Variants in NAPB observed in about 807,000 individuals in gnomAD.
NAPB encodes the protein NSF attachment protein beta.
A neutral mutation model predicts 44.7 loss-of-function variants in NAPB; 26 were observed. The ratio of observed to expected loss-of-function variants is 0.58; its 90% CI spans 0.43 to 0.81. The LOEUF is 0.81. Ranked by LOEUF, NAPB falls within the 30% of genes least tolerant of loss-of-function variation. NAPB has a pLI of 0.00. For synonymous variants in NAPB, 120 were observed against 116.8 expected, an observed-to-expected ratio of 1.03 and a Z score of -0.18; for missense variants, 315 against 356.4, an observed-to-expected ratio of 0.88 and a Z score of 0.94.
At chr20:23,383,151 G>A (rs1370920883) in intron 7 of NAPB, among the ~76,000 whole-genome samples, 4 of 114,524 alleles carry the variant, frequency 3.5e-5, no homozygotes, top group East Asian at 4.9e-4. Flanking sequence ...AGCAAGACTC[G>A]GTCTCAAAAA....
chr20:23,398,336 T>C (rs1327241824), intron 2 of NAPB, among the ~76,000 whole-genome samples: 1 of 152,168 alleles, frequency 6.6e-6, no homozygotes, highest in Non-Finnish European at 1.5e-5. Context: ...ATTAAACATT[T>C]GCTATAAATT....
In NAPB at chr20:23,381,327, G is replaced by A; in HGVS notation, c.562-10C>T. 6.6e-7 allele frequency: 1 copy of A among 1,524,680 alleles called. No individual in the cohort carries two copies. The highest frequency in any genetic ancestry group is 8.9e-7 in the Non-Finnish European group (1 of 1,129,422). 94.4% of individuals were successfully genotyped at this position (1,524,680 alleles called of 1,614,324 possible). Reference sequence around the variant, plus strand: ...TTGTGTTTGCCCCAACCTAGGCACAGAACGCAGAGTTAAATTTAAAAGATT... The same window carrying A: ...TTGTGTTTGCCCCAACCTAGGCACAAAACGCAGAGTTAAATTTAAAAGATT... On this transcript the variant is annotated splice_polypyrimidine_tract_variant and intron_variant, in intron 7 of 10. Coordinates refer to ENST00000377026, the MANE Select transcript of NAPB (RefSeq NM_022080.3).
rs1982458042 is a variant in NAPB at position 23,375,700 on chromosome 20, C to CA, written c.*1675dup. ...ACATTAAATTCTAGGGCCCAACAGA[C>CA]AGAGTGTCTTCATTGCCACCCCCAG... On this transcript the variant is annotated 3_prime_UTR_variant, in exon 11 of 11. Transcript: ENST00000377026. 4 of 152,298 alleles carry CA rather than the reference C, an allele frequency of 2.6e-5. No homozygotes were observed. Among genetic ancestry groups the CA allele is most frequent in the South Asian group, 2.1e-4 (1 of 4,828 alleles). 9.4% of individuals were successfully genotyped at this position (152,298 alleles called of 1,614,324 possible).
intron 1 of NAPB, among the ~76,000 whole-genome samples, chr20:23,413,136 A>C (rs1985774299): frequency 1.3e-5 from 2 of 152,164 alleles, no homozygotes; most frequent in African/African-American, 4.8e-5. Flanking sequence ...GTGTCGAAAA[A>C]AAAATTTTAA....
At chr20:23,392,985 C>G (rs1393872148) in intron 5 of NAPB, among the ~76,000 whole-genome samples, 3 of 152,220 alleles carry the variant, frequency 2.0e-5, no homozygotes, top group African/African-American at 7.2e-5. Context: ...AAAGAGGAAG[C>G]TGGAACAGGA....
In NAPB at chr20:23,387,703, C is replaced by G. The variant is rs569947561; in HGVS notation, c.561+2243G>C. Among the ~76,000 whole-genome samples the G allele has an allele frequency of 9.2e-5, 14 of 151,842 alleles. No individual in the cohort carries two copies. The Middle Eastern group carries it at 0.01, about 111-fold the overall frequency. ...CCCAAGAAATACAAAACTTACACAC[C>G]AAAAACTACAAAACATTGTTGAGCA... On this transcript the variant is annotated intron_variant, in intron 7 of 10. Transcript: ENST00000377026.
intron 8 of NAPB, 58 bp downstream of exon 8, chr20:23,381,155 G>A: frequency 1.8e-6 from 2 of 1,120,688 alleles, no homozygotes; most frequent in Non-Finnish European, 2.7e-6. Context: ...GAACAAGAGA[G>A]AATGTGTACG....
At chr20:23,378,554 GC>G (rs1982714704) in intron 10 of NAPB, among the ~76,000 whole-genome samples, 1 of 150,198 alleles carries the variant, frequency 6.7e-6, no homozygotes, top group Non-Finnish European at 1.5e-5. Flanking sequence ...AGATTCTCCT[GC>G]CTCAGCCTCC....
At chr20:23,394,078 A>T (rs1338075466) in intron 5 of NAPB, among the ~76,000 whole-genome samples, 1 of 152,200 alleles carries the variant, frequency 6.6e-6, no homozygotes, top group African/African-American at 2.4e-5. Context: ...TGGACCCATG[A>T]AGGCTCTGCA....
intron 7 of NAPB, among the ~76,000 whole-genome samples, chr20:23,383,156 C>CAAAA (rs34238446): frequency 3.8e-4 from 29 of 76,688 alleles, no homozygotes; most frequent in African/African-American, 1.3e-3. Flanking sequence ...GACTCGGTCT[C>CAAAA]AAAAAAAAAA....
In NAPB at chr20:23,376,690, T is replaced by TGC. The variant is rs1568599593; in HGVS notation, c.*685_*686insGC. 2.6e-5 allele frequency: 4 copies of TGC among 151,470 alleles called. No individual in the cohort carries two copies. Among genetic ancestry groups the TGC allele is most frequent in the Non-Finnish European group, 5.9e-5 (4 of 67,964 alleles). The allele number at this position is 151,470 out of a possible 1,614,324, so 9.4% of individuals were successfully genotyped here. A position where few individuals can be genotyped will look rare whatever the true frequency, so the allele number is the denominator to read the frequency against. ...AGATCTTGTGATATGTGTGTGTGTGTAAACGCGTGTGTCTAAGTACAAATC... is the reference window on the plus strand; with the variant it reads ...AGATCTTGTGATATGTGTGTGTGTGTGCAAACGCGTGTGTCTAAGTACAAATC... On this transcript the variant is annotated 3_prime_UTR_variant, in exon 11 of 11. Coordinates refer to ENST00000377026, the MANE Select transcript of NAPB (RefSeq NM_022080.3).
chr20:23,421,259 G>T, intron 1 of NAPB, 46 bp downstream of exon 1: 2 of 1,388,184 alleles, frequency 1.4e-6, no homozygotes, highest in Non-Finnish European at 9.4e-7. Flanking sequence ...AGGGGGCCAA[G>T]TACGGAGACC....
intron 7 of NAPB, among the ~76,000 whole-genome samples, chr20:23,385,528 G>A (rs1250212643): frequency 2.0e-5 from 3 of 152,116 alleles, no homozygotes; most frequent in Admixed American, 2.0e-4. Context: ...GGGAGGACAA[G>A]GCAGGCAGAT....
At chr20:23,417,021 C>A (rs191612709) in intron 1 of NAPB, among the ~76,000 whole-genome samples, 2 of 151,890 alleles carry the variant, frequency 1.3e-5, no homozygotes, top group Non-Finnish European at 2.9e-5. Flanking sequence ...TAAACTCAGA[C>A]TAAACACTGA....
intron 5 of NAPB, among the ~76,000 whole-genome samples, chr20:23,393,995 G>A (rs1178022908): frequency 6.6e-6 from 1 of 152,170 alleles, no homozygotes; most frequent in African/African-American, 2.4e-5. Context: ...AAGAGGAGGA[G>A]AATAACAGAA....
intron 7 of NAPB, among the ~76,000 whole-genome samples, chr20:23,382,148 A>G (rs1983060776): frequency 6.6e-6 from 1 of 152,164 alleles, no homozygotes; most frequent in Non-Finnish European, 1.5e-5. Flanking sequence ...CATACCAAGA[A>G]CAAACCAGCA....
intron 1 of NAPB, among the ~76,000 whole-genome samples, chr20:23,419,636 T>C (rs1228652373): frequency 1.3e-5 from 2 of 152,222 alleles, no homozygotes; most frequent in Non-Finnish European, 2.9e-5. Flanking sequence ...TTTAAATGTT[T>C]TGTGAATCAA....
At chr20:23,403,249 G>A (rs1344022687) in intron 1 of NAPB, among the ~76,000 whole-genome samples, 177 bp from the exon 2 acceptor site, 5 of 152,140 alleles carry the variant, frequency 3.3e-5, no homozygotes, top group South Asian at 4.1e-4. Flanking sequence ...AGGAAACTGG[G>A]GTGTTAAGTG....
intron 8 of NAPB, chr20:23,380,822 GCC>G (rs1231231362): frequency 6.4e-6 from 1 of 157,122 alleles, no homozygotes; most frequent in Non-Finnish European, 1.4e-5. Flanking sequence ...ACCACGCCTG[GCC>G]CCCTTAATTT....
Sources: allele counts gnomAD v4.1 joint callset (sites outside exome capture counted in the v4.1 genomes callset), GRCh38; gene constraint gnomAD v4.1.1; transcripts MANE v1.5; gene names NCBI Gene and HGNC (gene_info 2026-07-23, HGNC 2026-07-21).